Variants in XKR6 observed in about 807,000 individuals in gnomAD.
XKR6 encodes XK-related protein 6.
XKR6 carries 22 observed loss-of-function variants against 56.7 expected under a neutral mutation model. The ratio of observed to expected loss-of-function variants is 0.39; its 90% CI spans 0.28 to 0.55. XKR6 has a LOEUF of 0.55. Ranked by LOEUF, XKR6 falls within the 20% of genes least tolerant of loss-of-function variation. The pLI, the probability that XKR6 is intolerant of heterozygous loss-of-function variation, is 0.66. For synonymous variants in XKR6, 524 were observed against 387.8 expected, an observed-to-expected ratio of 1.35 and a Z score of -4.13; for missense variants, 852 against 889.0, an observed-to-expected ratio of 0.96 and a Z score of 0.53.
At chr8:11,149,789 C>T (rs780313763) in intron 1 of XKR6, among the ~76,000 whole-genome samples, 16 of 152,180 alleles carry the variant, frequency 1.1e-4, no homozygotes, top group Non-Finnish European at 1.8e-4. Flanking sequence ...AAAAAGAAAT[C>T]TCACAGACTA....
intron 1 of XKR6, among the ~76,000 whole-genome samples, chr8:11,047,963 A>C (rs1799450549): frequency 6.6e-6 from 1 of 152,120 alleles, no homozygotes; most frequent in South Asian, 2.1e-4. Flanking sequence ...TAGAGGAGTT[A>C]CCTGCTTTGC....
intron 1 of XKR6, among the ~76,000 whole-genome samples, chr8:11,012,961 T>G (rs929471910): frequency 6.6e-6 from 1 of 152,166 alleles, no homozygotes; most frequent in African/African-American, 2.4e-5. Flanking sequence ...TATCTTGGCA[T>G]GTAAGAGTCA....
chr8:10,973,124 G>A (rs531206113), intron 1 of XKR6, among the ~76,000 whole-genome samples: 2 of 152,332 alleles, frequency 1.3e-5, no homozygotes, highest in South Asian at 2.1e-4. Context: ...CTGAGAACAC[G>A]CATTATAGGA....
intron 1 of XKR6, among the ~76,000 whole-genome samples, chr8:10,947,712 T>C (rs1801593290): frequency 6.6e-6 from 1 of 152,168 alleles, no homozygotes; most frequent in African/African-American, 2.4e-5. Flanking sequence ...AACCTTCAGT[T>C]TTTGAGGCTG....
chr8:10,904,874 G>C (rs1226898005), intron 2 of XKR6, among the ~76,000 whole-genome samples: 1 of 152,212 alleles, frequency 6.6e-6, no homozygotes, highest in Non-Finnish European at 1.5e-5. Context: ...CAGAATGGGA[G>C]GTGCAGGCCC....
In XKR6 at chr8:10,897,266, G is replaced by A. The variant is rs185885245; in HGVS notation, c.*686C>T. ...GGGGGAGAAACTGAAAAGAGGGAGG[G>A]GTTTATGCTTTTGCTTTTGGTAAAT... is the stretch of plus-strand genomic sequence containing the variant. On this transcript the variant is annotated 3_prime_UTR_variant, in exon 3 of 3. Transcript: ENST00000416569. 1.4e-4 allele frequency: 22 copies of A among 152,608 alleles called. No homozygotes were observed. The highest frequency in any genetic ancestry group is 5.3e-4 in the African/African-American group (22 of 41,514). 9.5% of individuals were successfully genotyped at this position (152,608 alleles called of 1,614,324 possible). A position where few individuals can be genotyped will look rare whatever the true frequency, so the allele number is the denominator to read the frequency against.
intron 1 of XKR6, among the ~76,000 whole-genome samples, chr8:11,145,115 A>G (rs940499336): frequency 7.9e-5 from 12 of 152,152 alleles, no homozygotes; most frequent in African/African-American, 2.9e-4. Flanking sequence ...AAAATGCTCC[A>G]AAATCCAAAA....
At chr8:11,132,433 G>C (rs772301795) in intron 1 of XKR6, among the ~76,000 whole-genome samples, 1 of 151,226 alleles carries the variant, frequency 6.6e-6, no homozygotes, top group African/African-American at 2.4e-5. Flanking sequence ...ATCTCGGATC[G>C]CTCACTGCAA....
In XKR6 at chr8:10,987,668, C is replaced by T. The variant is rs1287976026; in HGVS notation, c.765-62838G>A. Among the ~76,000 whole-genome samples, 4 of 152,220 alleles carry T rather than the reference C, an allele frequency of 2.6e-5. No homozygotes were observed. In the East Asian group the frequency reaches 5.8e-4, roughly 22 times the overall value. Reference sequence around the variant, plus strand: ...ACTGTAATCATACCCTGTCTCTTCTCTGCTCAAAGCCCTACCATGACTTCC... The same window carrying T: ...ACTGTAATCATACCCTGTCTCTTCTTTGCTCAAAGCCCTACCATGACTTCC... On this transcript the variant is annotated intron_variant, in intron 1 of 2. Coordinates refer to ENST00000416569, the MANE Select transcript of XKR6 (RefSeq NM_173683.4).
chr8:11,141,067 G>A (rs1207089030), intron 1 of XKR6, among the ~76,000 whole-genome samples: 1 of 152,104 alleles, frequency 6.6e-6, no homozygotes, highest in African/African-American at 2.4e-5. Context: ...ATTACAACAC[G>A]TAATGGTTAC....
chr8:10,949,935 T>C (rs1801667634), intron 1 of XKR6, among the ~76,000 whole-genome samples: 1 of 152,174 alleles, frequency 6.6e-6, no homozygotes, highest in East Asian at 1.9e-4. Flanking sequence ...CTGCAGGCTG[T>C]GCTCACAGCT....
At chr8:11,006,695 A>G (rs1269726405) in intron 1 of XKR6, among the ~76,000 whole-genome samples, 1 of 152,174 alleles carries the variant, frequency 6.6e-6, no homozygotes, top group Non-Finnish European at 1.5e-5. Flanking sequence ...CAGAGGACCC[A>G]GAGAGCTAAG....
chr8:11,078,872 G>A (rs967753875), intron 1 of XKR6, among the ~76,000 whole-genome samples: 3 of 152,228 alleles, frequency 2.0e-5, no homozygotes, highest in East Asian at 1.9e-4. Flanking sequence ...CCTCCCAAGG[G>A]GGGCCAGAGG....
chr8:11,018,408 C>G (rs1586437166), intron 1 of XKR6, among the ~76,000 whole-genome samples: 2 of 152,200 alleles, frequency 1.3e-5, no homozygotes, highest in Non-Finnish European at 2.9e-5. Context: ...TGCACAAACT[C>G]AGGAAGGGAG....
intron 1 of XKR6, chr8:11,195,217 G>A (rs553787110): frequency 8.5e-6 from 6 of 702,500 alleles, no homozygotes; most frequent in African/African-American, 1.7e-5. Context: ...AAAGGGTCTT[G>A]CCCACTGCAA....
intron 1 of XKR6, among the ~76,000 whole-genome samples, chr8:10,960,439 G>A (rs1273345357): frequency 2.6e-5 from 4 of 152,208 alleles, no homozygotes; most frequent in Admixed American, 6.5e-5. Flanking sequence ...GAAGGCCGGG[G>A]GAGGAAAATG....
At chr8:11,042,022 A>T (rs1799298650) in intron 1 of XKR6, among the ~76,000 whole-genome samples, 1 of 152,208 alleles carries the variant, frequency 6.6e-6, no homozygotes, top group African/African-American at 2.4e-5. Context: ...CCAAAGGTAC[A>T]CACCAAACTG....
intron 1 of XKR6, among the ~76,000 whole-genome samples, chr8:11,151,213 T>G (rs1295414879): frequency 1.3e-5 from 2 of 152,194 alleles, no homozygotes; most frequent in Non-Finnish European, 2.9e-5. Flanking sequence ...AAGTAGAGAA[T>G]TTCTACTAGT....
At chr8:11,043,463 TG>T (rs1177324434) in intron 1 of XKR6, among the ~76,000 whole-genome samples, 1 of 152,238 alleles carries the variant, frequency 6.6e-6, no homozygotes, top group Non-Finnish European at 1.5e-5. Flanking sequence ...CAGGACTCTC[TG>T]GAAGTCCCTC....
Sources: gnomAD v4.1 joint callset for allele counts (sites outside exome capture counted in the v4.1 genomes callset) on GRCh38, gnomAD v4.1.1 for gene constraint, MANE v1.5 for transcripts, NCBI Gene and HGNC (gene_info 2026-07-23, HGNC 2026-07-21) for gene names.